Variants in RELN observed in about 807,000 individuals in gnomAD.
The protein encoded by RELN is reelin.
A neutral mutation model predicts 427.6 loss-of-function variants in RELN; 108 were observed. The ratio of observed to expected loss-of-function variants is 0.25; its 90% confidence interval spans 0.22 to 0.30. The LOEUF (loss-of-function observed/expected upper bound fraction) is 0.30. Ranked by LOEUF, RELN falls within the 10% of genes least tolerant of loss-of-function variation. The pLI is 1.00. For missense variants in RELN, 3,715 were observed against 4,302.8 expected (o/e 0.86, Z 3.82); for synonymous variants, 1,524 against 1,513.4 (o/e 1.01, Z -0.16).
At chr7:103,489,129 ACT>A (rs1306651447) in intron 60 of RELN, among the ~76,000 whole-genome samples, 1 of 151,896 alleles carries the variant, frequency 6.6e-6, no homozygotes, top group African/African-American at 2.4e-5. Context: ...TCGAGTAGAT[ACT>A]CTCTGCCCTG....
chr7:103,686,478 G>A, intron 10 of RELN, among the ~76,000 whole-genome samples: 1 of 152,108 alleles, frequency 6.6e-6, no homozygotes. Context: ...CCTTAGAGAG[G>A]AGAGGTTTTT....
intron 10 of RELN, among the ~76,000 whole-genome samples, chr7:103,683,041 A>G (rs1833689002): frequency 6.6e-6 from 1 of 152,178 alleles, no homozygotes; most frequent in South Asian, 2.1e-4. Flanking sequence ...TTTTTTGGTA[A>G]TAAGTCATAT....
intron 2 of RELN, among the ~76,000 whole-genome samples, chr7:103,844,413 A>C (rs1793627318): frequency 6.6e-6 from 1 of 152,218 alleles, no homozygotes; most frequent in African/African-American, 2.4e-5. Flanking sequence ...GAAAGAGAGA[A>C]GATTCTGGAC....
At chr7:103,602,915 T>A (rs778456504) in intron 24 of RELN, among the ~76,000 whole-genome samples, 3 of 151,944 alleles carry the variant, frequency 2.0e-5, no homozygotes, top group Non-Finnish European at 4.4e-5. Context: ...ACCTCTAAGC[T>A]CATCCCCTCG....
At chr7:103,830,306 G>C (rs1360231421) in intron 3 of RELN, among the ~76,000 whole-genome samples, 1 of 151,798 alleles carries the variant, frequency 6.6e-6, no homozygotes, top group Non-Finnish European at 1.5e-5. Flanking sequence ...AATCCAGTTA[G>C]TAAAAGAAAA....
intron 2 of RELN, among the ~76,000 whole-genome samples, chr7:103,902,066 T>C (rs1049385813): frequency 1.3e-5 from 2 of 151,902 alleles, no homozygotes; most frequent in Non-Finnish European, 2.9e-5. Context: ...CACAATATTT[T>C]AAAATTCATT....
At chr7:103,964,416 CA>C (rs995228586) in intron 1 of RELN, among the ~76,000 whole-genome samples, 5 of 152,124 alleles carry the variant, frequency 3.3e-5, no homozygotes, top group African/African-American at 1.2e-4. Flanking sequence ...CCAGATGTTG[CA>C]GGAAGAGAAT....
chr7:103,502,185 C>A (rs1468007252), intron 52 of RELN, among the ~76,000 whole-genome samples: 1 of 152,196 alleles, frequency 6.6e-6, no homozygotes, highest in African/African-American at 2.4e-5. Context: ...TTCCTTGCAG[C>A]TGAAAGCATC....
chr7:103,690,645 G>A (rs1273163545), intron 10 of RELN, among the ~76,000 whole-genome samples: 1 of 152,168 alleles, frequency 6.6e-6, no homozygotes, highest in Non-Finnish European at 1.5e-5. Context: ...AGTTGTGACA[G>A]GTGATTTGAT....
intron 63 of RELN, among the ~76,000 whole-genome samples, chr7:103,481,422 T>C (rs182098677): frequency 1.3e-5 from 2 of 152,258 alleles, no homozygotes; most frequent in Non-Finnish European, 2.9e-5. Context: ...TTAATGCAAA[T>C]TGTATTGGCA....
At chr7:103,911,738 G>A (rs1795371173) in intron 2 of RELN, among the ~76,000 whole-genome samples, 1 of 138,346 alleles carries the variant, frequency 7.2e-6, no homozygotes, top group Non-Finnish European at 1.5e-5. Context: ...ATCATTCTCA[G>A]TAAACTATCG....
At chr7:103,517,732 A>T (rs1360118809) in intron 49 of RELN, among the ~76,000 whole-genome samples, 1 of 152,212 alleles carries the variant, frequency 6.6e-6, no homozygotes. Flanking sequence ...ACTTTAATGC[A>T]AGTGGAAGAT....
At chr7:103,818,858 G>A (rs1037269424) in intron 3 of RELN, among the ~76,000 whole-genome samples, 3 of 151,180 alleles carry the variant, frequency 2.0e-5, no homozygotes, top group African/African-American at 7.3e-5. Flanking sequence ...AGAACCCCAA[G>A]TTTGTAAAAA....
At chr7:103,625,506 C>T (rs1282398512) in intron 20 of RELN, among the ~76,000 whole-genome samples, 1 of 152,064 alleles carries the variant, frequency 6.6e-6, no homozygotes, top group Non-Finnish European at 1.5e-5. Context: ...ATTATGTGGA[C>T]CTTATATATA....
intron 36 of RELN, among the ~76,000 whole-genome samples, chr7:103,560,135 A>G (rs1830610619): frequency 6.6e-6 from 1 of 152,204 alleles, no homozygotes; most frequent in African/African-American, 2.4e-5. Context: ...CATATATTCT[A>G]GTTCACAGAC....
chr7:103,806,473 C>T (rs1000211737), intron 3 of RELN, among the ~76,000 whole-genome samples: 30 of 152,062 alleles, frequency 2.0e-4, no homozygotes, highest in African/African-American at 7.2e-4. Context: ...TACAGGCACC[C>T]GCCACCACAC....
chr7:103,492,041 AACAATCAATAC>A lies in RELN; in HGVS notation c.9370-26_9370-16del, dbSNP rs774981322. ...CCCACCACAATCTAAAACAAACATA[AACAATCAATAC>A]ACAGGTAAGATTAGATGATACTGAA... On this transcript the variant is annotated splice_polypyrimidine_tract_variant and intron_variant, in intron 57 of 64. Transcript: ENST00000428762. The A allele has an allele frequency of 6.3e-7, 1 of 1,593,048 alleles. No homozygotes were observed.
intron 46 of RELN, 32 bp from the exon 47 acceptor site, chr7:103,523,563 T>C (rs1829757618): frequency 6.2e-7 from 1 of 1,607,734 alleles, no homozygotes; most frequent in African/African-American, 1.3e-5. Context: ...TAATGAAGGA[T>C]GCTGTGGAAA....
At chr7:103,831,432 T>C (rs1415720966) in intron 3 of RELN, among the ~76,000 whole-genome samples, 1 of 148,048 alleles carries the variant, frequency 6.8e-6, no homozygotes, top group Non-Finnish European at 1.5e-5. Flanking sequence ...CTGTCCAATC[T>C]AACAGAAAAG....
Sources: allele counts gnomAD v4.1 joint callset (sites outside exome capture counted in the v4.1 genomes callset), GRCh38; gene constraint gnomAD v4.1.1; transcripts MANE v1.5; gene names NCBI Gene and HGNC (gene_info 2026-07-23, HGNC 2026-07-21).